SOX5: variants seen among roughly 807,000 people sequenced by gnomAD.
The protein encoded by SOX5 is transcription factor SOX-5.
SOX5 carries 9 observed loss-of-function variants against 92.0 expected under a neutral mutation model. That is an observed-to-expected ratio of 0.10 (90% CI 0.06 to 0.17). SOX5 has a LOEUF of 0.17. Among genes scored for constraint, SOX5 ranks in the 10% least tolerant of loss-of-function variants. The pLI is 1.00. For missense variants in SOX5, 642 were observed against 944.5 expected, an observed-to-expected ratio of 0.68 and a Z score of 4.20; for synonymous variants, 344 against 336.3, an observed-to-expected ratio of 1.02 and a Z score of -0.25.
intron 9 of SOX5, among the ~76,000 whole-genome samples, chr12:23,598,849 A>T (rs1465919178): frequency 2.0e-5 from 3 of 152,154 alleles, no homozygotes; most frequent in Non-Finnish European, 4.4e-5. Context: ...ATTATAAAAC[A>T]TTGTCTCAAA....
intron 3 of SOX5, among the ~76,000 whole-genome samples, chr12:23,756,206 T>G (rs1416415889): frequency 6.6e-6 from 1 of 151,314 alleles, no homozygotes; most frequent in Non-Finnish European, 1.5e-5. Flanking sequence ...GTAAGCACAC[T>G]GTGGTAAGAT....
intron 4 of SOX5, among the ~76,000 whole-genome samples, chr12:24,200,485 G>C (rs1057289555): frequency 2.0e-5 from 3 of 151,448 alleles, no homozygotes; most frequent in Non-Finnish European, 4.4e-5. Context: ...TAATAGTAAA[G>C]TGTTACTTTT....
chr12:24,527,697 A>T (rs548483549), intron 1 of SOX5, among the ~76,000 whole-genome samples: 8 of 152,248 alleles, frequency 5.3e-5, no homozygotes, highest in Non-Finnish European at 1.0e-4. Context: ...CAAGAAGCTC[A>T]GAGTCACACT....
chr12:23,662,617 GTCCAA>G (rs2083212407), intron 7 of SOX5, among the ~76,000 whole-genome samples: 1 of 152,026 alleles, frequency 6.6e-6, no homozygotes, highest in Admixed American at 6.6e-5. Context: ...CGATCTTTAT[GTCCAA>G]CTAAAAGCTT....
At chr12:24,251,926 C>T (rs965986781) in intron 3 of SOX5, among the ~76,000 whole-genome samples, 1 of 144,510 alleles carries the variant, frequency 6.9e-6, no homozygotes, top group African/African-American at 2.5e-5. Context: ...GCCCAATACA[C>T]CTCAGCATCA....
At chr12:24,007,872 GTTAC>G (rs1321472998) in intron 4 of SOX5, among the ~76,000 whole-genome samples, 1 of 149,772 alleles carries the variant, frequency 6.7e-6, no homozygotes, top group Non-Finnish European at 1.5e-5. Flanking sequence ...AGATTTAGGG[GTTAC>G]TTAAGTCCTT....
At chr12:24,082,404 GAAAAAAAAAAAAAAAAA>G (rs58736325) in intron 4 of SOX5, among the ~76,000 whole-genome samples, 71 of 73,460 alleles carry the variant, frequency 9.7e-4, no homozygotes, top group African/African-American at 3.4e-3. Context: ...CTTTCGAAAA[GAAAAAAAAAAAAAAAAA>G]AAAAAAAAAA....
In SOX5 at chr12:24,004,837, T is replaced by A. The variant is rs557246219; in HGVS notation, c.-1-108813A>T. Among the ~76,000 whole-genome samples the A allele has an allele frequency of 5.3e-5, 8 of 152,068 alleles. No homozygotes were observed. The South Asian group carries it at 1.0e-3, about 20-fold the overall frequency. ...AATGTCATAGCAGCATTAGTCACAA[T>A]AGACCAAAAAAAATTGAAAAATAAT... On this transcript the variant is annotated intron_variant, in intron 4 of 4. Transcript: ENST00000446891.
At chr12:24,280,908 T>G (rs1231938434) in intron 2 of SOX5, among the ~76,000 whole-genome samples, 1 of 151,562 alleles carries the variant, frequency 6.6e-6, no homozygotes, top group East Asian at 1.9e-4. Flanking sequence ...AGTATTTTTA[T>G]GATATCAAAT....
chr12:24,353,383 C>A (rs1954358288), intron 2 of SOX5, among the ~76,000 whole-genome samples: 1 of 152,146 alleles, frequency 6.6e-6, no homozygotes, highest in Non-Finnish European at 1.5e-5. Context: ...TGTAGAACTA[C>A]ACACTTTTTT....
At chr12:23,673,845 G>A (rs2085208577) in intron 6 of SOX5, among the ~76,000 whole-genome samples, 1 of 151,936 alleles carries the variant, frequency 6.6e-6, no homozygotes, top group Admixed American at 6.6e-5. Flanking sequence ...AGTAGTGATG[G>A]TTGCAAACCA....
chr12:24,206,180 G>A (rs1370942929), intron 4 of SOX5, among the ~76,000 whole-genome samples: 3 of 152,148 alleles, frequency 2.0e-5, no homozygotes, highest in Non-Finnish European at 4.4e-5. Flanking sequence ...AATCATTATT[G>A]AAATTCTGAT....
intron 2 of SOX5, among the ~76,000 whole-genome samples, chr12:23,892,876 T>G (rs1358956040): frequency 6.6e-6 from 1 of 152,186 alleles, no homozygotes; most frequent in Non-Finnish European, 1.5e-5. Flanking sequence ...AGAAAAATTC[T>G]CAATTCGTTT....
At chr12:23,993,008 A>T (rs1485404674) in intron 4 of SOX5, among the ~76,000 whole-genome samples, 1 of 152,188 alleles carries the variant, frequency 6.6e-6, no homozygotes, top group Non-Finnish European at 1.5e-5. Flanking sequence ...CTTCTTATCA[A>T]TGAGTATATT....
chr12:23,999,863 T>G (rs1490049241), intron 4 of SOX5, among the ~76,000 whole-genome samples: 3 of 151,894 alleles, frequency 2.0e-5, no homozygotes, highest in Admixed American at 2.0e-4. Flanking sequence ...TATACCTTCC[T>G]TATAATAAAT....
At chr12:23,757,623 G>A (rs1006627684) in intron 3 of SOX5, among the ~76,000 whole-genome samples, 4 of 151,884 alleles carry the variant, frequency 2.6e-5, no homozygotes, top group Non-Finnish European at 5.9e-5. Flanking sequence ...ACAGGGCACA[G>A]CCAATACGGT....
chr12:24,051,284 C>T (rs995908153), intron 4 of SOX5, among the ~76,000 whole-genome samples: 7 of 151,986 alleles, frequency 4.6e-5, no homozygotes, highest in Non-Finnish European at 8.8e-5. Flanking sequence ...CAAAATTTTA[C>T]AATGATGGGA....
At chr12:23,790,538 T>A (rs2095454080) in intron 3 of SOX5, among the ~76,000 whole-genome samples, 2 of 106,164 alleles carry the variant, frequency 1.9e-5, no homozygotes, top group Non-Finnish European at 2.0e-5. Flanking sequence ...TCTCTCTCTC[T>A]CTCAATCTCT....
At chr12:23,925,023 AAAAAG>A (rs1303398166) in intron 1 of SOX5, among the ~76,000 whole-genome samples, 2 of 152,116 alleles carry the variant, frequency 1.3e-5, no homozygotes, top group Non-Finnish European at 2.9e-5. Flanking sequence ...TCAATAAAAA[AAAAAG>A]AAAACCCAAG....
Sources: allele counts gnomAD v4.1 joint callset (sites outside exome capture counted in the v4.1 genomes callset), GRCh38; gene constraint gnomAD v4.1.1; transcripts MANE v1.5; gene names NCBI Gene and HGNC (gene_info 2026-07-23, HGNC 2026-07-21).